The following GALNT14 variants were observed in gnomAD, a reference collection of about 807,000 sequenced individuals.
GALNT14 encodes UDP-GalNAc:polypeptide N-acetylgalactosaminyltransferase 14.
In GALNT14, 60 loss-of-function variants were observed where a neutral mutation model predicts 77.5. That is an observed-to-expected ratio of 0.77 (90% CI 0.63 to 0.96). The LOEUF (loss-of-function observed/expected upper bound fraction) is 0.96, where lower values mean the gene tolerates loss of function less well. Among genes scored for constraint, GALNT14 ranks in the 40% least tolerant of loss-of-function variants. The pLI, the probability that GALNT14 is intolerant of heterozygous loss-of-function variation, is 0.00. For synonymous variants in GALNT14, 280 were observed against 281.7 expected, an observed-to-expected ratio of 0.99 and a Z score of 0.06; for missense variants, 710 against 731.0, an observed-to-expected ratio of 0.97 and a Z score of 0.33.
intron 4 of GALNT14, among the ~76,000 whole-genome samples, chr2:30,956,718 G>A (rs1667394577): frequency 6.6e-6 from 1 of 152,144 alleles, no homozygotes; most frequent in South Asian, 2.1e-4. Flanking sequence ...TGTTAACCAG[G>A]CTGGTCTCGA....
the GALNT14 span, among the ~76,000 whole-genome samples, chr2:30,898,049 G>A: frequency 3.3e-5 from 5 of 152,176 alleles, no homozygotes; most frequent in African/African-American, 9.7e-5. Flanking sequence ...CAAGGTGAGG[G>A]TGTTAAGGAG....
At chr2:31,031,604 T>C (rs935609434) in intron 1 of GALNT14, among the ~76,000 whole-genome samples, 1 of 152,162 alleles carries the variant, frequency 6.6e-6, no homozygotes, top group African/African-American at 2.4e-5. Flanking sequence ...ACTCACCAAG[T>C]TGAAGAAATC....
chr2:30,941,144 C>T (rs142955550), intron 9 of GALNT14, among the ~76,000 whole-genome samples: 122 of 152,356 alleles, frequency 8.0e-4, no homozygotes, highest in African/African-American at 2.8e-3. Context: ...TTGGCCTGAG[C>T]CCCTGCTCAG....
At chr2:31,086,347 T>G (rs1676429080) in intron 1 of GALNT14, among the ~76,000 whole-genome samples, 1 of 152,212 alleles carries the variant, frequency 6.6e-6, no homozygotes, top group Admixed American at 6.5e-5. Context: ...GTCCCTGCAG[T>G]GCCTGGTCTC....
In GALNT14 at chr2:30,952,663, T is replaced by A. The variant is rs540539285; in HGVS notation, c.654+2955A>T. 4.0e-3 allele frequency among the ~76,000 whole-genome samples: 583 copies of A among 145,658 alleles called. 3 individuals carry two copies. The highest frequency in any genetic ancestry group is 0.014 in the African/African-American group (562 of 39,528). On this transcript the variant is annotated intron_variant, in intron 6 of 14. Coordinates refer to ENST00000349752, the MANE Select transcript of GALNT14 (RefSeq NM_024572.4). ...ATCGGGAGATATACCTAATGCTAGA[T>A]GACGAGTTAGTGGGTGCAGCGCACC...
chr2:30,895,423 C>G, the GALNT14 span, among the ~76,000 whole-genome samples: 1 of 152,182 alleles, frequency 6.6e-6, no homozygotes, highest in East Asian at 1.9e-4. Flanking sequence ...AAGGGGATGC[C>G]TGCCTCCCAC....
the GALNT14 span, among the ~76,000 whole-genome samples, chr2:30,899,860 T>C: frequency 2.6e-5 from 4 of 152,188 alleles, no homozygotes; most frequent in Non-Finnish European, 5.9e-5. Context: ...CTCTGGATGA[T>C]GCGGGAAAAG....
chr2:30,910,670 C>A lies in GALNT14; in HGVS notation c.*231G>T. On this transcript the variant is annotated 3_prime_UTR_variant, in exon 15 of 15. Transcript: ENST00000349752. Reference sequence around the variant, plus strand: ...CCAATCAGGGAATGACTGGCCAGGACTGGAACTTAACGGCCTTGAGAACAT... The same window carrying A: ...CCAATCAGGGAATGACTGGCCAGGAATGGAACTTAACGGCCTTGAGAACAT... The A allele has an allele frequency of 2.0e-6, 1 of 492,412 alleles. No individual in the cohort carries two copies. Among genetic ancestry groups the A allele is most frequent in the Non-Finnish European group, 3.6e-6 (1 of 278,296 alleles). 30.5% of individuals were successfully genotyped at this position (492,412 alleles called of 1,614,324 possible). A position where few individuals can be genotyped will look rare whatever the true frequency, so the allele number is the denominator to read the frequency against.
chr2:30,951,450 T>G (rs1667021664), intron 6 of GALNT14, among the ~76,000 whole-genome samples: 1 of 151,420 alleles, frequency 6.6e-6, no homozygotes. Flanking sequence ...GAATGAGGAG[T>G]GAGTGATTGC....
At chr2:31,081,148 C>A (rs2365193) in intron 1 of GALNT14, among the ~76,000 whole-genome samples, 77,785 of 152,014 alleles carry the variant, frequency 0.51, 20,360 homozygotes, top group African/African-American at 0.61. Context: ...AAAATAAAAC[C>A]CAGTGGATCC....
chr2:30,941,018 G>A (rs888331544), intron 9 of GALNT14, among the ~76,000 whole-genome samples: 1 of 152,220 alleles, frequency 6.6e-6, no homozygotes, highest in Non-Finnish European at 1.5e-5. Flanking sequence ...ATAACTCTTA[G>A]TGACTGAGGG....
downstream of GALNT14, among the ~76,000 whole-genome samples, chr2:30,907,526 G>A (rs961306692): frequency 7.9e-5 from 12 of 152,122 alleles, no homozygotes; most frequent in South Asian, 6.2e-4. Flanking sequence ...GTTGAATCTC[G>A]GAATAGACCA....
intron 1 of GALNT14, among the ~76,000 whole-genome samples, chr2:31,006,004 G>T (rs1159674875): frequency 3.9e-5 from 6 of 152,156 alleles, no homozygotes; most frequent in Non-Finnish European, 8.8e-5. Context: ...GCCTGGACCT[G>T]CCTGAGACCC....
chr2:31,016,507 G>T (rs1671368572), intron 1 of GALNT14, among the ~76,000 whole-genome samples: 1 of 152,046 alleles, frequency 6.6e-6, no homozygotes, highest in Non-Finnish European at 1.5e-5. Context: ...CAGGATAGAG[G>T]GATGAACCAC....
intron 1 of GALNT14, among the ~76,000 whole-genome samples, chr2:31,135,919 G>A (rs1182018767): frequency 2.0e-5 from 3 of 152,212 alleles, no homozygotes; most frequent in Non-Finnish European, 2.9e-5. Context: ...AGGAGAGGAG[G>A]AGGGACAAAG....
rs140042745 is a variant in GALNT14, at chr2:30,992,921, G to A, written c.216C>T (p.Asp72=). 25 of 1,614,044 alleles carry A rather than the reference G, an allele frequency of 1.5e-5. No homozygotes were observed. The African/African-American group carries it at 2.9e-4, about 19-fold the overall frequency. ...GGTTGAAAGCATACAGCTTATAGGG[G>A]TCGTCACCAACGCGCCACTTTTTGG... ...LNAKKWRVGD[D]PYKLYAFNQR... Residue 72 remains aspartate, a synonymous_variant, in exon 2 of 15, where the codon GAC becomes GAT. Transcript: ENST00000349752.
intron 1 of GALNT14, among the ~76,000 whole-genome samples, chr2:31,084,708 C>T (rs1330633638): frequency 6.6e-6 from 1 of 152,160 alleles, no homozygotes; most frequent in East Asian, 1.9e-4. Context: ...CTGGCTCACC[C>T]ACAGCTGGTG....
chr2:31,051,356 G>C (rs558542123), intron 1 of GALNT14, among the ~76,000 whole-genome samples: 42 of 152,298 alleles, frequency 2.8e-4, no homozygotes, highest in African/African-American at 1.0e-3. Flanking sequence ...GAGCCAAGCA[G>C]ATTACCCTCC....
At position 31,138,328 on chromosome 2, in the gene GALNT14, G is replaced by T; in HGVS notation, c.-242C>A. On this transcript the variant is annotated 5_prime_UTR_variant, in exon 1 of 15. Coordinates refer to ENST00000349752, the MANE Select transcript of GALNT14 (RefSeq NM_024572.4). Reference sequence around the variant, plus strand: ...GGGAAGGACCGAGGGCAGCCAAGCTGGACGCCCGCTCCAGCGGGAGAAGCG... The same window carrying T: ...GGGAAGGACCGAGGGCAGCCAAGCTTGACGCCCGCTCCAGCGGGAGAAGCG... 2.1e-6 allele frequency: 1 copy of T among 478,706 alleles called. No individual in the cohort carries two copies. 29.7% of individuals were successfully genotyped at this position (478,706 alleles called of 1,614,324 possible).
Sources: allele counts gnomAD v4.1 joint callset (sites outside exome capture counted in the v4.1 genomes callset), GRCh38; gene constraint gnomAD v4.1.1; transcripts MANE v1.5; gene names NCBI Gene and HGNC (gene_info 2026-07-23, HGNC 2026-07-21).